Variants in VPS13A observed in about 807,000 individuals in gnomAD.
The protein encoded by VPS13A is vacuolar protein sorting 13 homolog A, also known as intermembrane lipid transfer protein VPS13A.
Under a neutral mutation model 390.9 loss-of-function variants are expected in VPS13A, and 264 were observed. The observed-to-expected ratio is 0.68, with a 90% CI of 0.61 to 0.75. The LOEUF (loss-of-function observed/expected upper bound fraction) is 0.75. Among genes scored for constraint, VPS13A ranks in the 30% least tolerant of loss-of-function variants. VPS13A has a pLI of 0.00. For synonymous variants in VPS13A, 1,231 were observed against 1,227.1 expected, an observed-to-expected ratio of 1.00 and a Z score of -0.07; for missense variants, 3,409 against 3,733.9, an observed-to-expected ratio of 0.91 and a Z score of 2.27.
At chr9:77,281,088 TATAGAA>T (rs1283071075) in intron 27 of VPS13A, among the ~76,000 whole-genome samples, 1 of 151,726 alleles carries the variant, frequency 6.6e-6, no homozygotes, top group Non-Finnish European at 1.5e-5. Flanking sequence ...AAACTGAACT[TATAGAA>T]GTAGAGAGCA....
At chr9:77,265,781 G>A (rs1826004163) in intron 23 of VPS13A, among the ~76,000 whole-genome samples, 1 of 152,052 alleles carries the variant, frequency 6.6e-6, no homozygotes, top group African/African-American at 2.4e-5. Flanking sequence ...GGTTTTTCGT[G>A]TCTCTATCTC....
chr9:77,324,708 T>A (rs2131459503), intron 45 of VPS13A, among the ~76,000 whole-genome samples: 1 of 152,288 alleles, frequency 6.6e-6, no homozygotes, highest in African/African-American at 2.4e-5. Flanking sequence ...TTCTTGAATC[T>A]TGCTCTGTGT....
At position 77,313,977 on chromosome 9, in the gene VPS13A, T is replaced by G; in HGVS notation, c.4115-15T>G. The G allele has an allele frequency of 6.2e-7, 1 of 1,607,498 alleles. No individual in the cohort carries two copies. The highest frequency in any genetic ancestry group is 1.1e-5 in the South Asian group (1 of 90,146). ...ATGATATTTTCTTTTATTAAATAAC[T>G]TTAATTTTTTCAAGGAGCAACTGTG... is the stretch of plus-strand genomic sequence containing the variant. On this transcript the variant is annotated splice_polypyrimidine_tract_variant and intron_variant, in intron 35 of 71. Coordinates refer to ENST00000360280, the MANE Select transcript of VPS13A (RefSeq NM_033305.3).
chr9:77,413,729 A>G (rs911897942), intron 71 of VPS13A, among the ~76,000 whole-genome samples: 1 of 152,252 alleles, frequency 6.6e-6, no homozygotes. Context: ...ACAAAAGCCA[A>G]AATTGACAAA....
At chr9:77,340,989 A>G (rs1197904286) in intron 50 of VPS13A, among the ~76,000 whole-genome samples, 1 of 152,222 alleles carries the variant, frequency 6.6e-6, no homozygotes, top group Non-Finnish European at 1.5e-5. Flanking sequence ...AAATCTTTGA[A>G]TAAGAGTTTT....
At chr9:77,349,208 T>TCTCC (rs1831322780) in intron 52 of VPS13A, among the ~76,000 whole-genome samples, 1 of 152,212 alleles carries the variant, frequency 6.6e-6, no homozygotes, top group African/African-American at 2.4e-5. Context: ...TCCTTTGTTC[T>TCTCC]CTCCCTCCCT....
chr9:77,251,514 G>A (rs1382779602), intron 21 of VPS13A, among the ~76,000 whole-genome samples: 1 of 152,168 alleles, frequency 6.6e-6, no homozygotes, highest in Non-Finnish European at 1.5e-5. Context: ...TTTTCAGTGT[G>A]TGTACCTGTG....
intron 50 of VPS13A, among the ~76,000 whole-genome samples, chr9:77,343,878 A>C (rs1223467604): frequency 6.6e-6 from 1 of 152,162 alleles, no homozygotes; most frequent in Non-Finnish European, 1.5e-5. Context: ...TCTCTGTAAG[A>C]TCATGACCAC....
intron 1 of VPS13A, among the ~76,000 whole-genome samples, chr9:77,184,183 C>G (rs764953428): frequency 7.2e-5 from 11 of 152,162 alleles, no homozygotes; most frequent in Non-Finnish European, 1.3e-4. Flanking sequence ...TAGAACATGA[C>G]CATCACCCCA....
At chr9:77,335,553 G>A (rs1219388900) in intron 46 of VPS13A, among the ~76,000 whole-genome samples, 1 of 152,126 alleles carries the variant, frequency 6.6e-6, no homozygotes, top group Non-Finnish European at 1.5e-5. Context: ...GATATGAATA[G>A]ACACTTCTCA....
chr9:77,218,533 ACAGTTTGATATTTTAATAATCTCTC>A (rs1822993231), intron 10 of VPS13A, among the ~76,000 whole-genome samples: 1 of 152,176 alleles, frequency 6.6e-6, no homozygotes, highest in East Asian at 1.9e-4. Context: ...CTCCCATTCT[ACAGTTTGATATTTTAATAATCTCTC>A]CAGGTGATTC....
chr9:77,277,815 T>G (rs901347123), intron 26 of VPS13A, among the ~76,000 whole-genome samples: 8 of 152,222 alleles, frequency 5.3e-5, no homozygotes, highest in Non-Finnish European at 1.2e-4. Context: ...TATCCATTCA[T>G]GTACTGAAGG....
intron 71 of VPS13A, among the ~76,000 whole-genome samples, chr9:77,412,807 T>A (rs1261329797): frequency 6.6e-6 from 1 of 152,174 alleles, no homozygotes; most frequent in African/African-American, 2.4e-5. Flanking sequence ...GAAAGTCAAA[T>A]TGTCCCTGTT....
intron 16 of VPS13A, 70 bp from the exon 17 acceptor site, chr9:77,228,052 A>T: frequency 8.7e-7 from 1 of 1,154,870 alleles, no homozygotes; most frequent in South Asian, 2.1e-5. Context: ...AAATGAATGT[A>T]CTATAAGAAT....
intron 50 of VPS13A, 198 bp downstream of exon 50, chr9:77,340,748 A>G: frequency 1.7e-6 from 1 of 598,818 alleles, no homozygotes; most frequent in African/African-American, 1.9e-5. Flanking sequence ...GTAACTAGGA[A>G]TGCCCAGCTT....
chr9:77,226,710 A>G, intron 15 of VPS13A, 112 bp downstream of exon 15: 1 of 864,882 alleles, frequency 1.2e-6, no homozygotes, highest in Non-Finnish European at 1.6e-6. Context: ...ATTTAATTAT[A>G]TATAAAGTTA....
chr9:77,237,107 C>G (rs1012150321), intron 17 of VPS13A, among the ~76,000 whole-genome samples: 3 of 152,132 alleles, frequency 2.0e-5, no homozygotes, highest in Admixed American at 6.6e-5. Flanking sequence ...CCAGGATGGT[C>G]TCGATCTCTT....
At chr9:77,337,649 G>A (rs1185561895) in intron 47 of VPS13A, 112 bp downstream of exon 47, 24 of 1,056,058 alleles carry the variant, frequency 2.3e-5, no homozygotes, top group Non-Finnish European at 2.9e-5. Flanking sequence ...TAGAATACTA[G>A]TAAAGAATAG....
In VPS13A at chr9:77,312,522, G is replaced by A. The variant is rs528391413; in HGVS notation, c.4115-1470G>A. Among the ~76,000 whole-genome samples the A allele has an allele frequency of 1.1e-4, 17 of 152,090 alleles. No individual in the cohort carries two copies. The East Asian group carries it at 2.7e-3, about 24-fold the overall frequency. On this transcript the variant is annotated intron_variant, in intron 35 of 71. Transcript: ENST00000360280. ...GCTCACTGCAAGCTCCGCCTCCCGGGTTCACACCATTCTCCTGCCTCAGCC... is the reference window on the plus strand; with the variant it reads ...GCTCACTGCAAGCTCCGCCTCCCGGATTCACACCATTCTCCTGCCTCAGCC...
Sources: allele counts gnomAD v4.1 joint callset (sites outside exome capture counted in the v4.1 genomes callset), GRCh38; gene constraint gnomAD v4.1.1; transcripts MANE v1.5; gene names NCBI Gene and HGNC (gene_info 2026-07-23, HGNC 2026-07-21).